The following IFT140 variants were observed in gnomAD, a reference collection of about 807,000 sequenced individuals.
IFT140 encodes the protein intraflagellar transport protein 140 homolog.
In IFT140, 133 loss-of-function variants were observed where a neutral mutation model predicts 164.6. The ratio of observed to expected loss-of-function variants is 0.81; its 90% confidence interval spans 0.70 to 0.93. The LOEUF (loss-of-function observed/expected upper bound fraction) is 0.93, where lower values mean the gene tolerates loss of function less well. IFT140 is among the 40% of genes least tolerant of loss of function. The pLI is 0.00. For missense variants in IFT140, 2,045 were observed against 1,972.3 expected, an observed-to-expected ratio of 1.04 and a Z score of -0.70; for synonymous variants, 860 against 817.3, an observed-to-expected ratio of 1.05 and a Z score of -0.89.
rs375698323 is a variant in IFT140 at position 1,602,377 on chromosome 16, C to A, written c.362G>T (p.Gly121Val). The stretch of plus-strand genomic sequence containing the variant: ...TTGCGCGTGTTGACTCACCCTGTCC[C>A]CAGACAGCAGGCAGTTTCCACTGGG... Reference protein sequence around the residue: ...WSPSGNCLLSGDRLGVLLLWR... With the variant: ...WSPSGNCLLSVDRLGVLLLWR... Residue 121 changes from glycine to valine, a missense_variant, in exon 4 of 31, where the codon GGG (glycine) becomes GTG (valine). Physicochemically the swap from Gly to Val is moderately radical, Grantham distance 109. Transcript: ENST00000426508. The A allele has an allele frequency of 3.1e-6, 5 of 1,614,138 alleles. No individual in the cohort carries two copies. The highest frequency in any genetic ancestry group is 4.2e-6 in the Non-Finnish European group (5 of 1,179,978).
intron 17 of IFT140, among the ~76,000 whole-genome samples, chr16:1,562,696 C>A (rs567037772): frequency 6.6e-6 from 1 of 151,976 alleles, no homozygotes; most frequent in South Asian, 2.1e-4. Context: ...CGCTTGAACC[C>A]GGGAGGCAGA....
At chr16:1,588,167 CTG>C in intron 7 of IFT140, 143 bp from the exon 8 acceptor site, 1 of 638,892 alleles carries the variant, frequency 1.6e-6, no homozygotes, top group Non-Finnish European at 2.7e-6. Context: ...GATAGAAACT[CTG>C]TGAGGTGGCT....
intron 3 of IFT140, among the ~76,000 whole-genome samples, chr16:1,605,554 C>T (rs1442136161): frequency 6.6e-6 from 1 of 151,978 alleles, no homozygotes; most frequent in Non-Finnish European, 1.5e-5. Flanking sequence ...TACAGGTGCC[C>T]GCCACCACGC....
chr16:1,600,012 G>T (rs1274356193), intron 4 of IFT140, among the ~76,000 whole-genome samples: 13 of 146,240 alleles, frequency 8.9e-5, no homozygotes. Context: ...GAATAGAAAG[G>T]CGGGAAAGGT....
In IFT140 at chr16:1,523,623, G is replaced by A; in HGVS notation, c.3348C>T (p.Asp1116=). Residue 1116 remains aspartate (D), a synonymous_variant, in exon 26 of 31, where the codon GAC becomes GAT. Transcript: ENST00000426508. ...GCGCAGGGTCTGACGTCTCATCCAG[G>A]TCCTCTGCTATGAGCTGTAGGGCCA... ...QFVALQLIAE[D]LDETSDPALL... is the part of the protein sequence containing the mutation. 6.2e-7 allele frequency: 1 copy of A among 1,613,994 alleles called. No individual in the cohort carries two copies. Among genetic ancestry groups the A allele is most frequent in the Non-Finnish European group, 8.5e-7 (1 of 1,180,018 alleles).
At position 1,553,270 on chromosome 16, in the gene IFT140, C is replaced by A; in HGVS notation, c.2399+4665G>T. On this transcript the variant is annotated intron_variant, in intron 19 of 30. Transcript: ENST00000426508. The surrounding 1 kb of genome is among the most constrained non-coding windows in gnomAD (Gnocchi z 4.4). ...TCTGTCTCTCTGTATCTCTCTTGGT[C>A]TCTGTCTCTCTGTGTCTCTGCCTGT... is the stretch of plus-strand genomic sequence containing the variant. 2 of 979,814 alleles carry A rather than the reference C, an allele frequency of 2.0e-6. No individual in the cohort carries two copies. Among genetic ancestry groups the A allele is most frequent in the Non-Finnish European group, 2.4e-6 (2 of 824,942 alleles). 60.7% of individuals were successfully genotyped at this position (979,814 alleles called of 1,614,324 possible). A position where few individuals can be genotyped will look rare whatever the true frequency, so the allele number is the denominator to read the frequency against.
chr16:1,558,081 A>T lies in IFT140; in HGVS notation c.2253T>A (p.Pro751=). ...DEVEPGCHHI[P]QMVSRRPLRD... The stretch of plus-strand genomic sequence containing the variant: ...GCAGGGGTCTCCTGGACACCATCTG[A>T]GGGATGTGGTGGCACCCAGGCTCCA... The change falls in exon 19 of 31, where the codon CCT becomes CCA. Residue 751 remains proline, a synonymous_variant. Transcript: ENST00000426508. 1 of 1,613,872 alleles carries T rather than the reference A, an allele frequency of 6.2e-7. No homozygotes were observed. The highest frequency in any genetic ancestry group is 8.5e-7 in the Non-Finnish European group (1 of 1,179,972).
chr16:1,581,824 G>A (rs1362064377), intron 12 of IFT140, among the ~76,000 whole-genome samples: 2 of 139,616 alleles, frequency 1.4e-5, no homozygotes, highest in Non-Finnish European at 3.1e-5. Context: ...TGGAGGGGAG[G>A]GGAGGAGAGG....
chr16:1,545,855 C>T lies in IFT140; in HGVS notation c.2399+12080G>A, dbSNP rs143263913. 3.5e-3 allele frequency among the ~76,000 whole-genome samples: 537 copies of T among 152,348 alleles called. 3 individuals are homozygous for T. Among genetic ancestry groups the T allele is most frequent in the Non-Finnish European group, 4.3e-3 (294 of 68,030 alleles). The stretch of plus-strand genomic sequence containing the variant: ...GGGCTCAGTGCCATGCTCAGCACGA[C>T]GTCTGGGTCTGCAAAGGGACCACCC... On this transcript the variant is annotated intron_variant, in intron 19 of 30. Coordinates refer to ENST00000426508, the MANE Select transcript of IFT140 (RefSeq NM_014714.4).
At chr16:1,529,303 C>T (rs964851702) in intron 19 of IFT140, among the ~76,000 whole-genome samples, 5 of 152,196 alleles carry the variant, frequency 3.3e-5, no homozygotes, top group Admixed American at 6.5e-5. Flanking sequence ...GCCAGGCCCT[C>T]GTGGGGGTGC....
intron 13 of IFT140, among the ~76,000 whole-genome samples, chr16:1,580,016 A>G (rs1173226340): frequency 1.3e-5 from 2 of 151,924 alleles, no homozygotes; most frequent in East Asian, 3.9e-4. Context: ...CCCTCCCACA[A>G]GACACATGCG....
At chr16:1,604,736 C>T (rs1350811365) in intron 3 of IFT140, among the ~76,000 whole-genome samples, 1 of 151,204 alleles carries the variant, frequency 6.6e-6, no homozygotes. Context: ...GAGGGAAGGG[C>T]GGTTGGAAGG....
rs140319816 is a variant in IFT140 at position 1,554,861 on chromosome 16, C to T, written c.2399+3074G>A. 2.8e-4 allele frequency: 444 copies of T among 1,614,228 alleles called. 1 individual carries two copies. In the East Asian group the frequency reaches 8.6e-3, roughly 31 times the overall value. Reference sequence around the variant, plus strand: ...ACCTGTCCTGGTCCTGCTACCTGAACATTGGCGCCTGCCTTCTGGCCACGC... The same window carrying T: ...ACCTGTCCTGGTCCTGCTACCTGAATATTGGCGCCTGCCTTCTGGCCACGC... On this transcript the variant is annotated intron_variant, in intron 19 of 30. Transcript: ENST00000426508.
At chr16:1,541,126 T>A (rs970239104) in intron 19 of IFT140, 23 of 985,308 alleles carry the variant, frequency 2.3e-5, no homozygotes, top group Middle Eastern at 5.2e-4. Context: ...TGACCACGCA[T>A]CCATGTGCCC....
chr16:1,587,119 T>TC (rs1214391283), intron 9 of IFT140, 79 bp downstream of exon 9: 1 of 901,026 alleles, frequency 1.1e-6, no homozygotes, highest in East Asian at 2.4e-5. Flanking sequence ...CCTCCACGTT[T>TC]CACTACCATT....
intron 19 of IFT140, among the ~76,000 whole-genome samples, chr16:1,549,702 G>A (rs1186395365): frequency 2.6e-5 from 4 of 152,202 alleles, no homozygotes; most frequent in African/African-American, 9.6e-5. Flanking sequence ...AAAGTGCTGG[G>A]ATTACAGGCA....
rs578026841 is a variant in IFT140, at chr16:1,529,394, G to A, written c.2400-2598C>T. Among the ~76,000 whole-genome samples the A allele has an allele frequency of 5.3e-5, 8 of 152,356 alleles. No homozygotes were observed. In the South Asian group the frequency reaches 1.2e-3, roughly 24 times the overall value. On this transcript the variant is annotated intron_variant, in intron 19 of 30. Transcript: ENST00000426508. ...CGTGTCCTCTGATGGCCTCACATGGGGCTCCTCACAGCACCTGGGTGCACC... is the reference window on the plus strand; with the variant it reads ...CGTGTCCTCTGATGGCCTCACATGGAGCTCCTCACAGCACCTGGGTGCACC...
chr16:1,609,586 C>G (rs1004260954), intron 2 of IFT140, among the ~76,000 whole-genome samples: 1 of 152,220 alleles, frequency 6.6e-6, no homozygotes, highest in Admixed American at 6.5e-5. Flanking sequence ...AGAACAGGCC[C>G]TGCGCGGATG....
In IFT140 at chr16:1,561,972, C is replaced by T. The variant is rs760589428; in HGVS notation, c.2199+13G>A. ...GATCAGAAGACACCTGTGCGGATGT[C>T]GTGGCTTCGTACCTTTCTTGTGAAG... On this transcript the variant is annotated intron_variant, in intron 18 of 30. Coordinates refer to ENST00000426508, the MANE Select transcript of IFT140 (RefSeq NM_014714.4). 1.3e-5 allele frequency: 21 copies of T among 1,585,246 alleles called. No individual in the cohort carries two copies. Among genetic ancestry groups the T allele is most frequent in the Middle Eastern group, 1.7e-4 (1 of 5,918 alleles).
Sources: gnomAD v4.1 joint callset for allele counts (sites outside exome capture counted in the v4.1 genomes callset) on GRCh38, gnomAD v4.1.1 for gene constraint, Gnocchi (gnomAD v3.1) non-coding constraint, MANE v1.5 for transcripts, NCBI Gene and HGNC (gene_info 2026-07-23, HGNC 2026-07-21) for gene names.